Variants in GPM6A observed in about 807,000 individuals in gnomAD.
GPM6A encodes the protein glycoprotein M6A, also known as neuronal membrane glycoprotein M6-a.
In GPM6A, 7 loss-of-function variants were observed where a neutral mutation model predicts 32.1. The ratio of observed to expected loss-of-function variants is 0.22; its 90% CI spans 0.12 to 0.41. The LOEUF (loss-of-function observed/expected upper bound fraction) is 0.41, where lower values mean the gene tolerates loss of function less well. GPM6A is among the 10% of genes least tolerant of loss of function. The pLI, the probability that GPM6A is intolerant of heterozygous loss-of-function variation, is 1.00. For missense variants in GPM6A, 235 were observed against 347.2 expected, an observed-to-expected ratio of 0.68 and a Z score of 2.57; for synonymous variants, 130 against 123.4, an observed-to-expected ratio of 1.05 and a Z score of -0.35.
At chr4:175,806,099 T>C (rs1036878396) in intron 1 of GPM6A, 1 of 152,228 alleles carries the variant, frequency 6.6e-6, no homozygotes, top group Non-Finnish European at 1.5e-5. Context: ...GCAGTCTGCC[T>C]TCGATGTATG....
intron 3 of GPM6A, among the ~76,000 whole-genome samples, chr4:175,656,100 C>A (rs915752142): frequency 1.3e-5 from 2 of 151,940 alleles, no homozygotes; most frequent in African/African-American, 4.8e-5. Context: ...GCCTCATTGG[C>A]CTTTCTCATT....
intron 1 of GPM6A, among the ~76,000 whole-genome samples, chr4:175,809,094 T>C (rs1379303411): frequency 6.6e-6 from 1 of 152,236 alleles, no homozygotes; most frequent in Non-Finnish European, 1.5e-5. Flanking sequence ...GCCACCCGAA[T>C]GTGTATTCAC....
intron 1 of GPM6A, among the ~76,000 whole-genome samples, chr4:175,725,593 C>T (rs926702633): frequency 1.3e-5 from 2 of 152,094 alleles, no homozygotes; most frequent in Admixed American, 6.6e-5. Flanking sequence ...CACCTAATCC[C>T]ATTTTCTTAT....
At chr4:175,639,125 T>C (rs1042468275) in intron 6 of GPM6A, among the ~76,000 whole-genome samples, 1 of 152,190 alleles carries the variant, frequency 6.6e-6, no homozygotes, top group East Asian at 1.9e-4. Context: ...TTCATGTTAG[T>C]ACTGACATAG....
chr4:175,817,291 C>T (rs540966789), intron 1 of GPM6A, among the ~76,000 whole-genome samples: 2 of 152,316 alleles, frequency 1.3e-5, no homozygotes, highest in East Asian at 1.9e-4. Context: ...TCGTGGTGTT[C>T]ACAGTAGTAT....
chr4:175,950,330 C>T (rs1248890373), intron 1 of GPM6A, among the ~76,000 whole-genome samples: 1 of 152,066 alleles, frequency 6.6e-6, no homozygotes, highest in Non-Finnish European at 1.5e-5. Flanking sequence ...ATTTTAATGG[C>T]TTTATTAATT....
At chr4:175,878,150 C>T (rs571108742) in intron 1 of GPM6A, among the ~76,000 whole-genome samples, 5 of 152,312 alleles carry the variant, frequency 3.3e-5, no homozygotes, top group African/African-American at 1.2e-4. Flanking sequence ...CAGGGTACAG[C>T]CTCCCTCCTG....
At chr4:175,770,362 G>C (rs142266963) in intron 1 of GPM6A, among the ~76,000 whole-genome samples, 1 of 152,302 alleles carries the variant, frequency 6.6e-6, no homozygotes, top group African/African-American at 2.4e-5. Flanking sequence ...GTGGCTGCCA[G>C]GCTGGCTCAC....
At chr4:175,911,487 G>A (rs568956883) in intron 1 of GPM6A, among the ~76,000 whole-genome samples, 1 of 152,232 alleles carries the variant, frequency 6.6e-6, no homozygotes, top group South Asian at 2.1e-4. Context: ...TGTGTAAAAG[G>A]TTTAATAGGA....
intron 1 of GPM6A, among the ~76,000 whole-genome samples, chr4:175,835,718 C>A (rs1024925872): frequency 6.9e-6 from 1 of 144,888 alleles, no homozygotes; most frequent in Non-Finnish European, 1.5e-5. Context: ...CTTTACAGTA[C>A]ATATTAACTA....
chr4:175,871,942 T>C (rs1342130451), intron 1 of GPM6A, among the ~76,000 whole-genome samples: 1 of 152,204 alleles, frequency 6.6e-6, no homozygotes, highest in Non-Finnish European at 1.5e-5. Context: ...ATTATTTTTA[T>C]CTCTGACATA....
intron 1 of GPM6A, among the ~76,000 whole-genome samples, chr4:175,908,128 T>C (rs1308129618): frequency 6.6e-6 from 1 of 152,216 alleles, no homozygotes; most frequent in Admixed American, 6.5e-5. Flanking sequence ...ATGTTATATA[T>C]AATATCACTT....
At chr4:175,699,240 C>T (rs1744739050) in intron 2 of GPM6A, among the ~76,000 whole-genome samples, 1 of 152,206 alleles carries the variant, frequency 6.6e-6, no homozygotes, top group African/African-American at 2.4e-5. Context: ...TAAAAGCTAA[C>T]CTGCAATAAT....
intron 1 of GPM6A, among the ~76,000 whole-genome samples, chr4:175,986,940 G>A (rs1216165252): frequency 1.3e-5 from 2 of 151,982 alleles, no homozygotes; most frequent in Non-Finnish European, 2.9e-5. Context: ...TACTCCTCTG[G>A]CTAGAAGGCC....
intron 5 of GPM6A, 131 bp from the exon 6 acceptor site, chr4:175,640,325 C>G (rs1056474696): frequency 1.4e-6 from 1 of 693,516 alleles, no homozygotes; most frequent in Non-Finnish European, 2.6e-6. Flanking sequence ...AATCACCCAC[C>G]TGATTAAAAC....
chr4:175,787,410 G>A, intron 1 of GPM6A: 1 of 1,533,928 alleles, frequency 6.5e-7, no homozygotes, highest in Admixed American at 2.0e-5. Flanking sequence ...CTTGATTCAA[G>A]GGCATAAGCT....
At chr4:175,709,967 A>C (rs1218191581) in intron 1 of GPM6A, among the ~76,000 whole-genome samples, 1 of 152,002 alleles carries the variant, frequency 6.6e-6, no homozygotes, top group African/African-American at 2.4e-5. Context: ...AGTACATGCC[A>C]TTTCTACACC....
intron 1 of GPM6A, chr4:175,790,460 G>A (rs1423440313): frequency 6.6e-6 from 1 of 152,140 alleles, no homozygotes; most frequent in Non-Finnish European, 1.5e-5. Flanking sequence ...ATGCTATTAA[G>A]TATCACAAGT....
At chr4:175,840,534 C>T (rs572741627) in intron 1 of GPM6A, among the ~76,000 whole-genome samples, 1 of 152,022 alleles carries the variant, frequency 6.6e-6, no homozygotes, top group Non-Finnish European at 1.5e-5. Context: ...AAAAAAGTAG[C>T]CTTGTGGCGC....
Sources: gnomAD v4.1 joint callset for allele counts (sites outside exome capture counted in the v4.1 genomes callset) on GRCh38, gnomAD v4.1.1 for gene constraint, MANE v1.5 for transcripts, NCBI Gene and HGNC (gene_info 2026-07-23, HGNC 2026-07-21) for gene names.